The following HELQ variants were observed in gnomAD, a reference collection of about 807,000 sequenced individuals.
HELQ encodes the protein helicase POLQ-like.
A neutral mutation model predicts 111.6 loss-of-function variants in HELQ; 77 were observed. That is an observed-to-expected ratio of 0.69 (90% CI 0.57 to 0.83). The LOEUF is 0.83. Among genes scored for constraint, HELQ ranks in the 40% least tolerant of loss-of-function variants. HELQ has a pLI of 0.00. For missense variants in HELQ, 1,200 were observed against 1,288.5 expected, an observed-to-expected ratio of 0.93 and a Z score of 1.05; for synonymous variants, 438 against 454.7, an observed-to-expected ratio of 0.96 and a Z score of 0.47.
intron 8 of HELQ, among the ~76,000 whole-genome samples, chr4:83,438,739 C>G (rs1180113971): frequency 2.7e-5 from 3 of 110,988 alleles, no homozygotes; most frequent in Non-Finnish European, 4.9e-5. Context: ...GAGTGAGACC[C>G]TGTCTCAGGA....
chr4:83,438,505 C>G (rs1254156741), intron 8 of HELQ, among the ~76,000 whole-genome samples: 1 of 152,086 alleles, frequency 6.6e-6, no homozygotes, highest in Non-Finnish European at 1.5e-5. Flanking sequence ...CTTTGGGAGG[C>G]TATGGGGGGC....
chr4:83,427,433 C>T lies in HELQ; in HGVS notation c.2676+130G>A, dbSNP rs113840467. The T allele has an allele frequency of 1.9e-4, 112 of 601,676 alleles. No individual in the cohort carries two copies. In the African/African-American group the frequency reaches 2.1e-3, roughly 11 times the overall value. 37.3% of individuals were successfully genotyped at this position (601,676 alleles called of 1,614,324 possible). The stretch of plus-strand genomic sequence containing the variant: ...ACTTTGGGAGGACAATGTGGGAAGA[C>T]TGCTTGAGCCTAGGAGTTTGAGACC... On this transcript the variant is annotated intron_variant, in intron 13 of 17. Coordinates refer to ENST00000295488, the MANE Select transcript of HELQ (RefSeq NM_133636.5).
chr4:83,433,677 A>AG (rs1459938567), intron 9 of HELQ, among the ~76,000 whole-genome samples: 2 of 151,158 alleles, frequency 1.3e-5, no homozygotes, highest in African/African-American at 4.9e-5. Flanking sequence ...AAAAAAAAAA[A>AG]AAAAAAAAAA....
At chr4:83,442,436 T>A (rs1720817859) in intron 6 of HELQ, among the ~76,000 whole-genome samples, 1 of 149,674 alleles carries the variant, frequency 6.7e-6, no homozygotes, top group South Asian at 2.1e-4. Context: ...CTCTAATTTT[T>A]TTTTTCTCTC....
chr4:83,418,591 T>G (rs2109969460), intron 15 of HELQ, among the ~76,000 whole-genome samples: 2 of 152,352 alleles, frequency 1.3e-5, no homozygotes, highest in Middle Eastern at 3.4e-3. Context: ...TAACATGATG[T>G]TCAATGCAAC....
rs139503945 is a variant in HELQ, at chr4:83,455,719, ACGT to A, written c.-29_-27del. ...GGCAAGGACCCAGGGCCCTATTCAGACGTCGTTCTCAGTGACCCAGACGCTAAG... is the reference window on the plus strand; with the variant it reads ...GGCAAGGACCCAGGGCCCTATTCAGACGTTCTCAGTGACCCAGACGCTAAG... On this transcript the variant is annotated 5_prime_UTR_variant, in exon 1 of 18. Transcript: ENST00000295488. 0.018 allele frequency: 28,397 copies of A among 1,592,216 alleles called. 4,030 individuals are homozygous for A. In the African/African-American group the frequency reaches 0.32, roughly 18 times the overall value.
intron 6 of HELQ, among the ~76,000 whole-genome samples, chr4:83,442,815 G>T (rs1371104587): frequency 6.6e-6 from 1 of 152,108 alleles, no homozygotes; most frequent in Non-Finnish European, 1.5e-5. Context: ...GCCTCTTAAA[G>T]TGTTGGCATT....
chr4:83,442,504 T>C (rs988434668), intron 6 of HELQ, among the ~76,000 whole-genome samples: 4 of 151,590 alleles, frequency 2.6e-5, no homozygotes, highest in African/African-American at 9.7e-5. Flanking sequence ...TTCGCCCCAC[T>C]GGGTTCAAGC....
chr4:83,412,046 G>A (rs751757260), intron 17 of HELQ, among the ~76,000 whole-genome samples: 8 of 152,200 alleles, frequency 5.3e-5, no homozygotes, highest in Non-Finnish European at 1.0e-4. Flanking sequence ...AAGGGAGAAT[G>A]ACTCAAATGA....
chr4:83,455,506 A>T lies in HELQ; in HGVS notation c.188T>A (p.Val63Glu). 6.2e-7 allele frequency: 1 copy of T among 1,614,082 alleles called. No individual in the cohort carries two copies. The highest frequency in any genetic ancestry group is 8.5e-7 in the Non-Finnish European group (1 of 1,180,012). Residue 63 changes from valine to glutamate, a missense_variant, in exon 1 of 18, where the codon GTA becomes GAA. Transcript: ENST00000295488. The stretch of plus-strand genomic sequence containing the variant: ...GGAATCTGAGAGTAGAAGGGGCTGT[A>T]CCTCAACCGGCAGTACGCCCGCGGT... ...RKTAGVLPVE[V>E]QPLLLSDSPE...
intron 15 of HELQ, among the ~76,000 whole-genome samples, chr4:83,419,417 GATA>G (rs1739542675): frequency 1.3e-5 from 2 of 148,852 alleles, no homozygotes; most frequent in South Asian, 4.2e-4. Flanking sequence ...TGCCTCTATT[GATA>G]ATAATTTGAA....
At chr4:83,434,611 T>C (rs534386656) in intron 9 of HELQ, among the ~76,000 whole-genome samples, 3 of 151,894 alleles carry the variant, frequency 2.0e-5, no homozygotes, top group Non-Finnish European at 4.4e-5. Context: ...CACAAGTGTA[T>C]GCCACCATGC....
chr4:83,428,120 C>T (rs2109983072), intron 12 of HELQ, among the ~76,000 whole-genome samples: 1 of 152,196 alleles, frequency 6.6e-6, no homozygotes, highest in Admixed American at 6.5e-5. Context: ...TTTAAAGAGA[C>T]TCATCTGTTA....
In HELQ at chr4:83,437,066, A is replaced by C. The variant is rs1318872502; in HGVS notation, c.1840T>G (p.Cys614Gly). The change falls in exon 9 of 18, where the codon TGT becomes GGT. Residue 614 changes from cysteine to glycine, a missense_variant. By Grantham distance (159) the Cys-to-Gly change is radical. Around this residue, in one of 3 missense-constraint regions of HELQ, gnomAD observed 585 missense variants for 665.3 expected, o/e 0.88. Transcript: ENST00000295488. ...TTCTTCAAGTTCTTAATCACCTCAC[A>C]TTTTTCTTTCTCCTTATGTTTCAGA... ...EYLKHKEKEK[C>G]EVIKNLKNIG... The C allele has an allele frequency of 6.2e-7, 1 of 1,613,336 alleles. No homozygotes were observed. The highest frequency in any genetic ancestry group is 8.5e-7 in the Non-Finnish European group (1 of 1,179,664).
chr4:83,453,432 T>A lies in HELQ; in HGVS notation c.811A>T (p.Asn271Tyr). The change falls in exon 2 of 18, where the codon AAT becomes TAT. Residue 271 changes from asparagine to tyrosine, a missense_variant. Physicochemically the swap from Asn to Tyr is moderately radical, Grantham distance 143 (BLOSUM62 -2). This residue lies in a region of HELQ where 610 missense variants were observed against 607.1 expected (regional missense o/e 1.00). Transcript: ENST00000295488. ...RRKSIKDHLKNAMTGNAKAQT... is the reference protein window; with the variant it reads ...RRKSIKDHLKYAMTGNAKAQT... Reference sequence around the variant, plus strand: ...GCCTTCGCATTTCCAGTCATGGCATTTTTTAGATGATCTTTAATACTTTTT... The same window carrying A: ...GCCTTCGCATTTCCAGTCATGGCATATTTTAGATGATCTTTAATACTTTTT... 6.2e-7 allele frequency: 1 copy of A among 1,603,450 alleles called. No homozygotes were observed. Among genetic ancestry groups the A allele is most frequent in the Admixed American group, 1.7e-5 (1 of 57,208 alleles).
intron 14 of HELQ, among the ~76,000 whole-genome samples, chr4:83,424,809 C>T (rs1310126104): frequency 6.6e-6 from 1 of 152,222 alleles, no homozygotes; most frequent in East Asian, 1.9e-4. Context: ...CCCACCTCGG[C>T]CTCCCAAAGT....
At chr4:83,454,250 A>C (rs1578110982) in intron 1 of HELQ, among the ~76,000 whole-genome samples, 2 of 152,310 alleles carry the variant, frequency 1.3e-5, no homozygotes, top group South Asian at 2.1e-4. Flanking sequence ...AAAACACTTC[A>C]GCCTAGGGCT....
In HELQ at chr4:83,427,659, T is replaced by C; in HGVS notation, c.2580A>G (p.Gly860=). The C allele has an allele frequency of 6.2e-7, 1 of 1,606,610 alleles. No homozygotes were observed. Among genetic ancestry groups the C allele is most frequent in the South Asian group, 1.1e-5 (1 of 89,852 alleles). ...GATGAAGAAGGCTTTCAAGCACAAG[T>C]CCTTCAAGACCTTTCTTCAAGTCTC... The part of the protein sequence containing the change: ...LYRDLKKGLE[G]LVLESLLHLI... Residue 860 remains glycine, a synonymous_variant, in exon 13 of 18, where the codon GGA becomes GGG. Transcript: ENST00000295488.
At chr4:83,443,738 G>T in intron 5 of HELQ, 124 bp from the exon 6 acceptor site, 1 of 516,886 alleles carries the variant, frequency 1.9e-6, no homozygotes, top group Non-Finnish European at 3.5e-6. Context: ...AAAGGGGTGG[G>T]AGAGGTAAGT....
Sources: gnomAD v4.1 joint callset for allele counts (sites outside exome capture counted in the v4.1 genomes callset) on GRCh38, gnomAD v4.1.1 for gene constraint, gnomAD v4.1.1 regional missense constraint, MANE v1.5 for transcripts, NCBI Gene and HGNC (gene_info 2026-07-23, HGNC 2026-07-21) for gene names.